Variants in TAS2R1 observed in about 807,000 individuals in gnomAD.
The protein encoded by TAS2R1 is taste 2 receptor member 1.
For missense variants in TAS2R1, 370 were observed against 353.4 expected, an observed-to-expected ratio of 1.05 and a Z score of -0.38; for synonymous variants, 141 against 134.2, an observed-to-expected ratio of 1.05 and a Z score of -0.35.
At chr5:9,729,093 A>G in the TAS2R1 span, among the ~76,000 whole-genome samples, 1 of 152,092 alleles carries the variant, frequency 6.6e-6, no homozygotes, top group Non-Finnish European at 1.5e-5. Flanking sequence ...CTTTAATCCC[A>G]TTTTATAAAA....
the TAS2R1 span, among the ~76,000 whole-genome samples, chr5:9,856,652 T>C: frequency 6.6e-6 from 1 of 152,182 alleles, no homozygotes; most frequent in Non-Finnish European, 1.5e-5. Flanking sequence ...ATTCTCTCTA[T>C]AGAGAAAATT....
In TAS2R1 at chr5:9,661,563, G is replaced by T. The variant is rs150499384; in HGVS notation, c.-241-1982C>A. ...TCGCAATCTGGTTCTAATATCAGTT[G>T]TCTACAGGAAGAATTCACTGTTAGA... On this transcript the variant is annotated intron_variant, in intron 1 of 2. Coordinates refer to the TAS2R1 transcript ENST00000506620. Among the ~76,000 whole-genome samples the T allele has an allele frequency of 5.3e-5, 8 of 152,312 alleles. No individual in the cohort carries two copies. The East Asian group carries it at 1.5e-3, about 29-fold the overall frequency.
the TAS2R1 span, among the ~76,000 whole-genome samples, chr5:9,889,453 CT>C: frequency 7.9e-5 from 12 of 152,262 alleles, no homozygotes; most frequent in East Asian, 2.3e-3. Flanking sequence ...CTAAAAATAC[CT>C]TTTGGGCTGC....
the TAS2R1 span, among the ~76,000 whole-genome samples, chr5:9,752,640 C>T: frequency 4.6e-5 from 7 of 152,002 alleles, no homozygotes; most frequent in South Asian, 2.1e-4. Context: ...TGTTAGTGTG[C>T]TGCACCCATT....
At chr5:9,817,064 T>G in the TAS2R1 span, among the ~76,000 whole-genome samples, 1 of 152,226 alleles carries the variant, frequency 6.6e-6, no homozygotes, top group African/African-American at 2.4e-5. Context: ...GTGCTTCCAG[T>G]GTGTATGAGT....
chr5:9,811,987 C>A, the TAS2R1 span, among the ~76,000 whole-genome samples: 1 of 152,024 alleles, frequency 6.6e-6, no homozygotes, highest in African/African-American at 2.4e-5. Context: ...CAAACTTCCT[C>A]CCCCCGCATT....
At chr5:9,834,140 A>T in the TAS2R1 span, among the ~76,000 whole-genome samples, 1 of 152,070 alleles carries the variant, frequency 6.6e-6, no homozygotes, top group Non-Finnish European at 1.5e-5. Context: ...GGGAAAGGGC[A>T]GGAAGCAGAG....
At chr5:9,871,928 G>C in the TAS2R1 span, among the ~76,000 whole-genome samples, 1 of 152,118 alleles carries the variant, frequency 6.6e-6, no homozygotes, top group Non-Finnish European at 1.5e-5. Flanking sequence ...CTCTGATATG[G>C]ACATATGCCC....
the TAS2R1 span, among the ~76,000 whole-genome samples, chr5:9,899,049 C>T: frequency 6.6e-6 from 1 of 152,160 alleles, no homozygotes; most frequent in Non-Finnish European, 1.5e-5. Flanking sequence ...CTTTTGGACA[C>T]TATAAATGCC....
the TAS2R1 span, among the ~76,000 whole-genome samples, chr5:9,886,121 T>C: frequency 6.7e-6 from 1 of 150,066 alleles, no homozygotes; most frequent in Non-Finnish European, 1.5e-5. Flanking sequence ...AACCTCCACC[T>C]CCCAGGTTCA....
chr5:9,823,497 A>G, the TAS2R1 span, among the ~76,000 whole-genome samples: 3,056 of 139,734 alleles, frequency 0.022, 114 homozygotes, highest in African/African-American at 0.079. Context: ...AGGGAAGGGG[A>G]AGAGGAAGGG....
the TAS2R1 span, among the ~76,000 whole-genome samples, chr5:9,827,761 T>C: frequency 6.6e-6 from 1 of 152,164 alleles, no homozygotes; most frequent in East Asian, 1.9e-4. Flanking sequence ...CCAGCCTGGG[T>C]GACAGAGACA....
At chr5:9,847,012 C>T in the TAS2R1 span, among the ~76,000 whole-genome samples, 242 of 152,312 alleles carry the variant, frequency 1.6e-3, 2 homozygotes, top group Non-Finnish European at 5.0e-4. Flanking sequence ...GATCTCATTA[C>T]GAACTGTGAA....
At chr5:9,840,853 ATTTATTTTTTTTTTTTT>A in the TAS2R1 span, among the ~76,000 whole-genome samples, 94 of 19,544 alleles carry the variant, frequency 4.8e-3, no homozygotes, top group Admixed American at 0.012. Context: ...TTATTTATTT[ATTTATTTTTTTTTTTTT>A]TTTTTTTTTT....
chr5:9,859,871 G>A, the TAS2R1 span, among the ~76,000 whole-genome samples: 1 of 152,158 alleles, frequency 6.6e-6, no homozygotes, highest in Non-Finnish European at 1.5e-5. Context: ...TCTCTCACAG[G>A]ATCCAGTGAA....
intron 2 of TAS2R1, among the ~76,000 whole-genome samples, chr5:9,653,059 A>C (rs1324677900): frequency 1.3e-5 from 2 of 151,990 alleles, no homozygotes; most frequent in African/African-American, 2.4e-5. Context: ...CCCCACCCCA[A>C]CTGCTAGCAT....
At chr5:9,775,912 T>C in the TAS2R1 span, among the ~76,000 whole-genome samples, 4 of 151,988 alleles carry the variant, frequency 2.6e-5, no homozygotes, top group Admixed American at 1.3e-4. Flanking sequence ...CTGCCTGGAG[T>C]TGGGGTAGGG....
the TAS2R1 span, among the ~76,000 whole-genome samples, chr5:9,718,011 G>A: frequency 1.3e-5 from 2 of 152,150 alleles, no homozygotes; most frequent in Non-Finnish European, 2.9e-5. Context: ...CCACGCTGGA[G>A]TGCAGTGGCT....
intron 1 of TAS2R1, among the ~76,000 whole-genome samples, chr5:9,666,944 G>C (rs1218796984): frequency 1.3e-5 from 2 of 152,012 alleles, no homozygotes; most frequent in East Asian, 1.9e-4. Context: ...AGTAGAGATA[G>C]CGATATTAAC....
Sources: gnomAD v4.1 joint callset for allele counts (sites outside exome capture counted in the v4.1 genomes callset) on GRCh38, gnomAD v4.1.1 for gene constraint, MANE v1.5 for transcripts, NCBI Gene and HGNC (gene_info 2026-07-23, HGNC 2026-07-21) for gene names.